The following PIBF1 variants were observed in gnomAD, a reference collection of about 807,000 sequenced individuals.
PIBF1 encodes the protein progesterone immunomodulatory binding factor 1.
Under a neutral mutation model 112.5 loss-of-function variants are expected in PIBF1, and 90 were observed. The ratio of observed to expected loss-of-function variants is 0.80; its 90% CI spans 0.67 to 0.95. The LOEUF (loss-of-function observed/expected upper bound fraction) is 0.95. PIBF1 is among the 40% of genes least tolerant of loss of function. The pLI is 0.00. For missense variants in PIBF1, 915 were observed against 852.3 expected (o/e 1.07, Z -0.92); for synonymous variants, 301 against 288.6 (o/e 1.04, Z -0.44).
chr13:72,782,145 C>G lies in PIBF1; in HGVS notation c.-252C>G, dbSNP rs902570723. ...CGGAACATCCGGGAGAGTTGACTTC[C>G]GGCGGCTTGTGGGAGTGCTGGTTCT... On this transcript the variant is annotated 5_prime_UTR_variant, in exon 1 of 18. Transcript: ENST00000326291. 3.3e-6 allele frequency: 1 copy of G among 304,436 alleles called. No individual in the cohort carries two copies. Among genetic ancestry groups the G allele is most frequent in the Non-Finnish European group, 6.1e-6 (1 of 164,196 alleles). 18.9% of individuals were successfully genotyped at this position (304,436 alleles called of 1,614,324 possible).
intron 12 of PIBF1, among the ~76,000 whole-genome samples, chr13:72,911,392 A>G (rs1259811841): frequency 6.9e-6 from 1 of 144,126 alleles, no homozygotes; most frequent in African/African-American, 2.6e-5. Flanking sequence ...AAATGGAGAA[A>G]GGAAAGTTTG....
intron 13 of PIBF1, among the ~76,000 whole-genome samples, chr13:72,929,940 ACCTCGAACT>A (rs2041650241): frequency 6.6e-6 from 1 of 152,066 alleles, no homozygotes. Context: ...GCTCACTGTA[ACCTCGAACT>A]CCTGGGCTCA....
At chr13:72,880,131 T>C (rs778140100) in intron 10 of PIBF1, among the ~76,000 whole-genome samples, 2 of 152,190 alleles carry the variant, frequency 1.3e-5, no homozygotes, top group Non-Finnish European at 2.9e-5. Flanking sequence ...TTTCGAGATA[T>C]CAGCATGCAT....
At chr13:72,789,613 G>T (rs1278071922) in intron 2 of PIBF1, among the ~76,000 whole-genome samples, 2 of 151,548 alleles carry the variant, frequency 1.3e-5, no homozygotes, top group African/African-American at 4.9e-5. Flanking sequence ...CAATTTAGAA[G>T]TTAATTGAAA....
intron 10 of PIBF1, among the ~76,000 whole-genome samples, chr13:72,880,125 G>C (rs1052579664): frequency 1.3e-5 from 2 of 152,102 alleles, no homozygotes; most frequent in Non-Finnish European, 2.9e-5. Context: ...CAATGCTTTC[G>C]AGATATCAGC....
In PIBF1 at chr13:72,917,185, T is replaced by C; in HGVS notation, c.1730+19T>C. ...AGCAAAGGTAAAATCAATATATATT[T>C]ATTTTATTTATCTACTCAAGATGAA... On this transcript the variant is annotated intron_variant, in intron 13 of 17. Transcript: ENST00000326291. The C allele has an allele frequency of 7.2e-7, 1 of 1,397,350 alleles. No individual in the cohort carries two copies. The allele number at this position is 1,397,350 out of a possible 1,614,324, so 86.6% of individuals were successfully genotyped here.
intron 5 of PIBF1, 51 bp downstream of exon 5, chr13:72,798,077 G>C (rs2035284470): frequency 6.5e-7 from 1 of 1,541,520 alleles, no homozygotes; most frequent in Non-Finnish European, 8.7e-7. Flanking sequence ...TTTTTCTGTA[G>C]AGTCCCTCAG....
chr13:72,825,402 TGTGTGTGTAGGTGTGTATACAC>T (rs1199966125), intron 6 of PIBF1, among the ~76,000 whole-genome samples: 3 of 152,230 alleles, frequency 2.0e-5, no homozygotes, highest in Non-Finnish European at 4.4e-5. Context: ...TGTATGAGTA[TGTGTGTGTAGGTGTGTATACAC>T]ATATAGATAC....
At chr13:72,987,449 T>C (rs1276275492) in intron 16 of PIBF1, among the ~76,000 whole-genome samples, 1 of 151,986 alleles carries the variant, frequency 6.6e-6, no homozygotes, top group Non-Finnish European at 1.5e-5. Context: ...CTTAATTGTA[T>C]AGAGAGACTG....
At chr13:72,910,266 T>C (rs2040849848) in intron 12 of PIBF1, among the ~76,000 whole-genome samples, 1 of 152,196 alleles carries the variant, frequency 6.6e-6, no homozygotes, top group Non-Finnish European at 1.5e-5. Context: ...AATTTTCATA[T>C]CATATGCTGG....
intron 14 of PIBF1, among the ~76,000 whole-genome samples, chr13:72,949,014 A>G (rs2042223249): frequency 6.6e-6 from 1 of 152,230 alleles, no homozygotes; most frequent in African/African-American, 2.4e-5. Flanking sequence ...AGAAGAATCA[A>G]AGAATTCACA....
At chr13:72,892,383 C>T (rs2040091885) in intron 10 of PIBF1, among the ~76,000 whole-genome samples, 1 of 151,998 alleles carries the variant, frequency 6.6e-6, no homozygotes, top group Admixed American at 6.6e-5. Context: ...CTTGAAGTAG[C>T]CCATGGTGTA....
chr13:72,852,218 G>A (rs926084470), intron 9 of PIBF1, among the ~76,000 whole-genome samples: 3 of 152,264 alleles, frequency 2.0e-5, no homozygotes, highest in Admixed American at 6.5e-5. Context: ...CCAGACCTAG[G>A]AGCTCCCTGA....
At chr13:72,990,663 C>G (rs888456912) in intron 16 of PIBF1, among the ~76,000 whole-genome samples, 1 of 151,798 alleles carries the variant, frequency 6.6e-6, no homozygotes, top group Non-Finnish European at 1.5e-5. Flanking sequence ...GCCTGGCCAA[C>G]TTGGTGAAAC....
intron 10 of PIBF1, among the ~76,000 whole-genome samples, chr13:72,887,595 A>G (rs2039906431): frequency 6.6e-6 from 1 of 152,042 alleles, no homozygotes; most frequent in African/African-American, 2.4e-5. Flanking sequence ...ATCTAAGCCA[A>G]AATTATTTAA....
At chr13:72,860,023 TAAAG>T (rs1407087241) in intron 10 of PIBF1, among the ~76,000 whole-genome samples, 1 of 152,168 alleles carries the variant, frequency 6.6e-6, no homozygotes, top group African/African-American at 2.4e-5. Context: ...CAAGAAAGCG[TAAAG>T]ATAGTAGGAC....
chr13:72,983,037 A>T (rs1247246965), intron 16 of PIBF1, among the ~76,000 whole-genome samples: 4 of 152,160 alleles, frequency 2.6e-5, no homozygotes, highest in African/African-American at 9.7e-5. Flanking sequence ...AATATAAAAC[A>T]TCTGTTTTGG....
intron 16 of PIBF1, among the ~76,000 whole-genome samples, chr13:72,975,764 G>C (rs2043005263): frequency 6.6e-6 from 1 of 152,160 alleles, no homozygotes; most frequent in African/African-American, 2.4e-5. Flanking sequence ...CACCGCTGCT[G>C]TCACTTATGT....
At chr13:73,004,219 G>A (rs552375876) in intron 17 of PIBF1, among the ~76,000 whole-genome samples, 2 of 152,064 alleles carry the variant, frequency 1.3e-5, no homozygotes, top group African/African-American at 2.4e-5. Context: ...GGCCAGGCGC[G>A]GTGGCTCACG....
Sources: allele counts gnomAD v4.1 joint callset (sites outside exome capture counted in the v4.1 genomes callset), GRCh38; gene constraint gnomAD v4.1.1; transcripts MANE v1.5; gene names NCBI Gene and HGNC (gene_info 2026-07-23, HGNC 2026-07-21).